The following SGMS1 variants were observed in gnomAD, a reference collection of about 807,000 sequenced individuals.
SGMS1 encodes the protein phosphatidylcholine:ceramide cholinephosphotransferase 1.
Under a neutral mutation model 46.2 loss-of-function variants are expected in SGMS1, and 13 were observed. The ratio of observed to expected loss-of-function variants is 0.28; its 90% CI spans 0.18 to 0.45. The LOEUF (loss-of-function observed/expected upper bound fraction) is 0.45. Ranked by LOEUF, SGMS1 falls within the 20% of genes least tolerant of loss-of-function variation. SGMS1 has a pLI of 1.00. For missense variants in SGMS1, 324 were observed against 519.9 expected, an observed-to-expected ratio of 0.62 and a Z score of 3.66; for synonymous variants, 203 against 187.8, an observed-to-expected ratio of 1.08 and a Z score of -0.66.
At chr10:50,440,275 A>AATAT (rs752922519) in intron 5 of SGMS1, among the ~76,000 whole-genome samples, 69 of 140,002 alleles carry the variant, frequency 4.9e-4, no homozygotes, top group Admixed American at 3.4e-3. Context: ...CAAATTAAAA[A>AATAT]ATATATATAT....
intron 8 of SGMS1, among the ~76,000 whole-genome samples, chr10:50,316,076 G>A (rs1329031406): frequency 6.6e-6 from 1 of 152,186 alleles, no homozygotes; most frequent in Non-Finnish European, 1.5e-5. Context: ...ATGACAGTCA[G>A]TTTGCCATCA....
chr10:50,610,480 C>T (rs910391685), intron 1 of SGMS1, among the ~76,000 whole-genome samples: 75 of 152,182 alleles, frequency 4.9e-4, no homozygotes, highest in African/African-American at 1.6e-3. Context: ...GGCCTTGAAA[C>T]GAATGAGCAA....
At chr10:50,377,593 ACT>A (rs1564894790) in intron 6 of SGMS1, among the ~76,000 whole-genome samples, 1 of 152,026 alleles carries the variant, frequency 6.6e-6, no homozygotes. Flanking sequence ...GAGATTTTGG[ACT>A]CTATCTTGAA....
chr10:50,535,931 C>T (rs535930008), intron 2 of SGMS1, among the ~76,000 whole-genome samples: 1 of 152,274 alleles, frequency 6.6e-6, no homozygotes, highest in Admixed American at 6.5e-5. Flanking sequence ...GTTAGTATTA[C>T]TGTATTAGAT....
rs1311466528 is a variant in SGMS1, at chr10:50,460,787, G to A, written c.-427C>T. The A allele has an allele frequency of 1.3e-5, 2 of 152,292 alleles. No homozygotes were observed. The highest frequency in any genetic ancestry group is 2.9e-5 in the Non-Finnish European group (2 of 68,040). The allele number at this position is 152,292 out of a possible 1,614,324, so 9.4% of individuals were successfully genotyped here. A position where few individuals can be genotyped will look rare whatever the true frequency, so the allele number is the denominator to read the frequency against. ...TCATGTTTCCCAACCAGACACTTTC[G>A]GGCATCCCAAAGAACTCAATGGTGT... is the stretch of plus-strand genomic sequence containing the variant. On this transcript the variant is annotated 5_prime_UTR_variant, in exon 5 of 11. Transcript: ENST00000361781.
At chr10:50,362,261 G>A (rs1848262219) in intron 6 of SGMS1, among the ~76,000 whole-genome samples, 1 of 152,182 alleles carries the variant, frequency 6.6e-6, no homozygotes, top group South Asian at 2.1e-4. Context: ...AATTTCTCAT[G>A]TGTCAAAAGA....
At position 50,385,086 on chromosome 10, in the gene SGMS1, C is replaced by G. The variant is rs1341627892; in HGVS notation, c.-231-40741G>C. Among the ~76,000 whole-genome samples, 4 of 152,134 alleles carry G rather than the reference C, an allele frequency of 2.6e-5. No individual in the cohort carries two copies. The East Asian group carries it at 7.7e-4, about 29-fold the overall frequency. Reference sequence around the variant, plus strand: ...GCTAGTTTTTTTTTACCGAATATCTCCAGTTTGGGTTTCTCTGATGTTTTC... The same window carrying G: ...GCTAGTTTTTTTTTACCGAATATCTGCAGTTTGGGTTTCTCTGATGTTTTC... On this transcript the variant is annotated intron_variant, in intron 6 of 10. Transcript: ENST00000361781.
upstream of SGMS1, chr10:50,625,120 G>A (rs1358553598): frequency 5.3e-6 from 5 of 951,052 alleles, no homozygotes; most frequent in Non-Finnish European, 6.3e-6. Context: ...ACCGACCCCT[G>A]GCTTGCCCAG....
chr10:50,612,501 A>T (rs373762641), intron 1 of SGMS1, among the ~76,000 whole-genome samples: 1 of 152,350 alleles, frequency 6.6e-6, no homozygotes, highest in East Asian at 1.9e-4. Context: ...GGGAGAAAAA[A>T]GAAAACAAGG....
At chr10:50,566,327 G>A (rs1838287800) in intron 2 of SGMS1, among the ~76,000 whole-genome samples, 1 of 151,902 alleles carries the variant, frequency 6.6e-6, no homozygotes, top group Non-Finnish European at 1.5e-5. Flanking sequence ...AAAGTATGAG[G>A]TATGTTTGCT....
At chr10:50,487,475 A>C (rs532120818) in intron 3 of SGMS1, among the ~76,000 whole-genome samples, 15 of 152,326 alleles carry the variant, frequency 9.8e-5, no homozygotes, top group Admixed American at 3.3e-4. Flanking sequence ...CTGCACGTGT[A>C]CCATGGAACT....
chr10:50,433,236 TCTG>T (rs1405555314), intron 6 of SGMS1, among the ~76,000 whole-genome samples: 1 of 152,232 alleles, frequency 6.6e-6, no homozygotes, highest in African/African-American at 2.4e-5. Flanking sequence ...ATACTTATGC[TCTG>T]TCCACCAAAT....
rs988035914 is a variant in SGMS1, at chr10:50,610,182, C to T, written c.-684+13525G>A. ...CCCGTAAGACACAGAAACGTCAAGC[C>T]GCACAGAACTACAACAAGGCTGTCA... On this transcript the variant is annotated intron_variant, in intron 1 of 10. Transcript: ENST00000361781. Among the ~76,000 whole-genome samples, 16 of 152,144 alleles carry T rather than the reference C, an allele frequency of 1.1e-4. No homozygotes were observed. The South Asian group carries it at 1.5e-3, about 14-fold the overall frequency.
intron 6 of SGMS1, among the ~76,000 whole-genome samples, chr10:50,353,230 C>G (rs556745554): frequency 6.6e-6 from 1 of 152,400 alleles, no homozygotes; most frequent in South Asian, 2.1e-4. Context: ...CATCAAAAAG[C>G]TTCTCCACCA....
At chr10:50,454,050 C>CA (rs71846628) in intron 5 of SGMS1, among the ~76,000 whole-genome samples, 20,141 of 97,944 alleles carry the variant, frequency 0.21, 2,137 homozygotes, top group Non-Finnish European at 0.22. Flanking sequence ...TTTACATAGG[C>CA]AAAAAAAAAA....
intron 6 of SGMS1, among the ~76,000 whole-genome samples, chr10:50,363,021 C>T (rs1848275861): frequency 2.6e-5 from 4 of 152,220 alleles, no homozygotes; most frequent in East Asian, 1.9e-4. Context: ...CAATCTAGCA[C>T]CCACATCTTT....
chr10:50,466,777 T>C (rs570585701), intron 4 of SGMS1, 113 bp downstream of exon 4: 2 of 152,318 alleles, frequency 1.3e-5, no homozygotes, highest in African/African-American at 4.8e-5. Flanking sequence ...CCCCAAGATA[T>C]TCCTTATATA....
At chr10:50,465,714 G>C (rs974687050) in intron 4 of SGMS1, among the ~76,000 whole-genome samples, 5 of 151,978 alleles carry the variant, frequency 3.3e-5, no homozygotes, top group Non-Finnish European at 7.4e-5. Context: ...AATTATCAAA[G>C]AAATAGTACA....
At chr10:50,505,832 T>C (rs567685884) in intron 3 of SGMS1, among the ~76,000 whole-genome samples, 2 of 152,110 alleles carry the variant, frequency 1.3e-5, no homozygotes, top group East Asian at 1.9e-4. Context: ...GCCCGAGGAA[T>C]GGGGAGCAAA....
Sources: allele counts gnomAD v4.1 joint callset (sites outside exome capture counted in the v4.1 genomes callset), GRCh38; gene constraint gnomAD v4.1.1; transcripts MANE v1.5; gene names NCBI Gene and HGNC (gene_info 2026-07-23, HGNC 2026-07-21).